Variants in CYB5R4 observed in about 807,000 individuals in gnomAD.
CYB5R4 encodes N-terminal cytochrome b5 and cytochrome b5 oxidoreductase domain-containing protein.
In CYB5R4, 55 loss-of-function variants were observed where a neutral mutation model predicts 70.2. The ratio of observed to expected loss-of-function variants is 0.78; its 90% CI spans 0.63 to 0.98. CYB5R4 has a LOEUF of 0.98. Ranked by LOEUF, CYB5R4 falls within the 50% of genes least tolerant of loss-of-function variation. The probability of loss-of-function intolerance (pLI) is 0.00; values close to 1 mark genes in which losing one functional copy is unlikely to be tolerated. For synonymous variants in CYB5R4, 197 were observed against 199.5 expected (o/e 0.99, Z 0.11); for missense variants, 562 against 612.6 (o/e 0.92, Z 0.87).
At chr6:83,899,834 C>A (rs532238468) in intron 3 of CYB5R4, among the ~76,000 whole-genome samples, 13 of 152,022 alleles carry the variant, frequency 8.6e-5, no homozygotes, top group Non-Finnish European at 1.8e-4. Flanking sequence ...TTTTTTATTG[C>A]ATCTATTTGA....
Position 83,859,858 on chromosome 6 carries a change from G to A in CYB5R4, c.75+1G>A. On this transcript the variant is annotated splice_donor_variant, in intron 1 of 15. Coordinates refer to ENST00000369681, the MANE Select transcript of CYB5R4 (RefSeq NM_016230.4). LOFTEE classifies it high-confidence loss of function. Reference sequence around the variant, plus strand: ...TGTCGCCTCCGGGGGGCGTAGCAAGGTAAGCGGGTGGCTCCGTGAGTCTCT... The same window carrying A: ...TGTCGCCTCCGGGGGGCGTAGCAAGATAAGCGGGTGGCTCCGTGAGTCTCT... The A allele has an allele frequency of 6.2e-7, 1 of 1,610,960 alleles. No homozygotes were observed. The highest frequency in any genetic ancestry group is 8.5e-7 in the Non-Finnish European group (1 of 1,178,944).
chr6:83,896,817 A>G lies in CYB5R4; in HGVS notation c.330+3195A>G, dbSNP rs183608528. The stretch of plus-strand genomic sequence containing the variant: ...ATAGTGGGATTGCTATGGTAGTTCT[A>G]TTAATATTTTAGTTTTTTAAGAAAT... On this transcript the variant is annotated intron_variant, in intron 3 of 15. Coordinates refer to ENST00000369681, the MANE Select transcript of CYB5R4 (RefSeq NM_016230.4). Among the ~76,000 whole-genome samples the G allele has an allele frequency of 5.2e-4, 79 of 152,144 alleles. No homozygotes were observed. The East Asian group carries it at 9.7e-3, about 19-fold the overall frequency.
chr6:83,900,130 T>C (rs1173147301), intron 3 of CYB5R4, among the ~76,000 whole-genome samples: 1 of 152,216 alleles, frequency 6.6e-6, no homozygotes, highest in African/African-American at 2.4e-5. Context: ...CTCTACACAC[T>C]GCTTTGAATG....
At position 83,924,456 on chromosome 6, in the gene CYB5R4, T is replaced by C. The variant is rs746183217; in HGVS notation, c.692-14T>C. 8 of 1,610,382 alleles carry C rather than the reference T, an allele frequency of 5.0e-6. No homozygotes were observed. The East Asian group carries it at 8.9e-5, about 18-fold the overall frequency. On this transcript the variant is annotated splice_polypyrimidine_tract_variant and intron_variant, in intron 9 of 15. Coordinates refer to ENST00000369681, the MANE Select transcript of CYB5R4 (RefSeq NM_016230.4). ...AGTATCGATGAACACAAATGGAATT[T>C]ATCTTCTTTTCAGTGCGGGTTGTTG...
chr6:83,865,825 C>T (rs1256160789), intron 2 of CYB5R4, among the ~76,000 whole-genome samples: 1 of 152,082 alleles, frequency 6.6e-6, no homozygotes, highest in African/African-American at 2.4e-5. Flanking sequence ...CAGGTGATGA[C>T]GTAGTTTATA....
intron 3 of CYB5R4, among the ~76,000 whole-genome samples, chr6:83,896,747 T>G (rs1285726877): frequency 6.6e-6 from 1 of 152,196 alleles, no homozygotes; most frequent in African/African-American, 2.4e-5. Context: ...CAAATGCAGG[T>G]ATCTCTTTGA....
chr6:83,953,635 T>C (rs932867748), intron 14 of CYB5R4, among the ~76,000 whole-genome samples: 2 of 152,096 alleles, frequency 1.3e-5, no homozygotes, highest in African/African-American at 4.8e-5. Flanking sequence ...GTATATCAAA[T>C]AGATTAAGGG....
chr6:83,924,358 A>G, intron 9 of CYB5R4, 112 bp from the exon 10 acceptor site: 1 of 1,027,000 alleles, frequency 9.7e-7, no homozygotes, highest in Non-Finnish European at 1.4e-6. Flanking sequence ...ACTAATAATC[A>G]GTACCATTCA....
chr6:83,859,885 C>T lies in CYB5R4; in HGVS notation c.75+28C>T, dbSNP rs375155517. On this transcript the variant is annotated intron_variant, in intron 1 of 15. Coordinates refer to ENST00000369681, the MANE Select transcript of CYB5R4 (RefSeq NM_016230.4). ...AAGCGGGTGGCTCCGTGAGTCTCTC[C>T]CCTCGCTGCGTTTCGAGCTCTGGCA... 18 of 1,593,282 alleles carry T rather than the reference C, an allele frequency of 1.1e-5. No homozygotes were observed. The African/African-American group carries it at 1.6e-4, about 14-fold the overall frequency.
chr6:83,880,411 T>C (rs936526329), intron 2 of CYB5R4, among the ~76,000 whole-genome samples: 6 of 152,182 alleles, frequency 3.9e-5, no homozygotes, highest in African/African-American at 1.4e-4. Context: ...TAACTGTCAC[T>C]GTTAAACCTA....
chr6:83,900,243 G>A (rs142346950), intron 3 of CYB5R4, among the ~76,000 whole-genome samples: 15,013 of 152,186 alleles, frequency 0.099, 1,025 homozygotes, highest in Middle Eastern at 0.16. Context: ...TCATTCAGGA[G>A]CAGGTTGTTC....
At chr6:83,954,914 G>GT (rs2099472099) in intron 14 of CYB5R4, among the ~76,000 whole-genome samples, 1 of 141,330 alleles carries the variant, frequency 7.1e-6, no homozygotes, top group Non-Finnish European at 1.6e-5. Flanking sequence ...GTTGTTTTTG[G>GT]GTTTTTTTTT....
chr6:83,871,081 A>T (rs1328959970), intron 2 of CYB5R4, among the ~76,000 whole-genome samples: 2 of 147,264 alleles, frequency 1.4e-5, no homozygotes, highest in African/African-American at 5.1e-5. Flanking sequence ...GGTTCAAGCG[A>T]GTCTCCTGCC....
chr6:83,886,282 G>T lies in CYB5R4; in HGVS notation c.230-7240G>T, dbSNP rs576342266. Among the ~76,000 whole-genome samples, 4 of 152,178 alleles carry T rather than the reference G, an allele frequency of 2.6e-5. No homozygotes were observed. The South Asian group carries it at 8.3e-4, about 32-fold the overall frequency. ...ATGAATCTGCCCTGATGACCCAATC[G>T]CTTAAAGGCCCTACCATTCAGTACT... On this transcript the variant is annotated intron_variant, in intron 2 of 15. Coordinates refer to ENST00000369681, the MANE Select transcript of CYB5R4 (RefSeq NM_016230.4).
At chr6:83,910,253 C>G in intron 4 of CYB5R4, 1 of 924,474 alleles carries the variant, frequency 1.1e-6, no homozygotes, top group South Asian at 1.7e-5. Context: ...GTTCTTTCTT[C>G]TAGAAGCCTC....
At chr6:83,909,383 A>G (rs1271869279) in intron 4 of CYB5R4, among the ~76,000 whole-genome samples, 1 of 152,222 alleles carries the variant, frequency 6.6e-6, no homozygotes, top group African/African-American at 2.4e-5. Flanking sequence ...ATATAGTCAC[A>G]TGATTCAAAC....
At chr6:83,911,929 T>C (rs148230750) in intron 4 of CYB5R4, among the ~76,000 whole-genome samples, 2 of 151,862 alleles carry the variant, frequency 1.3e-5, no homozygotes, top group Non-Finnish European at 1.5e-5. Flanking sequence ...TAGTGGTGCA[T>C]GCCTGTGGTC....
intron 4 of CYB5R4, chr6:83,909,954 G>A (rs1432173201): frequency 8.5e-6 from 12 of 1,411,064 alleles, no homozygotes; most frequent in South Asian, 1.2e-5. Context: ...TAGTGTTGAA[G>A]TAGAGAAACC....
chr6:83,947,666 C>T (rs1157478434), intron 14 of CYB5R4, among the ~76,000 whole-genome samples: 1 of 152,130 alleles, frequency 6.6e-6, no homozygotes, highest in Non-Finnish European at 1.5e-5. Context: ...GGCTAATATC[C>T]AGAATCTACA....
Sources: allele counts gnomAD v4.1 joint callset (sites outside exome capture counted in the v4.1 genomes callset), GRCh38; gene constraint gnomAD v4.1.1; transcripts MANE v1.5; gene names NCBI Gene and HGNC (gene_info 2026-07-23, HGNC 2026-07-21).